Variants in CTNNA2 observed in about 807,000 individuals in gnomAD.
CTNNA2 encodes the protein catenin alpha 2, also known as catenin alpha-2.
A neutral mutation model predicts 101.0 loss-of-function variants in CTNNA2; 42 were observed. That is an observed-to-expected ratio of 0.42 (90% CI 0.32 to 0.54). The LOEUF is 0.54. Among genes scored for constraint, CTNNA2 ranks in the 20% least tolerant of loss-of-function variants. The probability of loss-of-function intolerance (pLI) is 0.14; values close to 1 mark genes in which losing one functional copy is unlikely to be tolerated. For missense variants in CTNNA2, 871 were observed against 1,223.1 expected (o/e 0.71, Z 4.29); for synonymous variants, 450 against 456.4 (o/e 0.99, Z 0.18).
At chr2:79,362,531 C>T (rs1677655228) in intron 3 of CTNNA2, among the ~76,000 whole-genome samples, 1 of 152,142 alleles carries the variant, frequency 6.6e-6, no homozygotes, top group Non-Finnish European at 1.5e-5. Context: ...CATCTAGAAA[C>T]TCCATGGGAT....
At chr2:79,400,702 A>T (rs1678281181) in intron 4 of CTNNA2, among the ~76,000 whole-genome samples, 1 of 151,946 alleles carries the variant, frequency 6.6e-6, no homozygotes. Flanking sequence ...TGCCAGAATG[A>T]GGGGCAAGAG....
At chr2:79,798,560 C>CTTGTTT (rs1675900242) in intron 3 of CTNNA2, among the ~76,000 whole-genome samples, 1 of 123,794 alleles carries the variant, frequency 8.1e-6, no homozygotes, top group African/African-American at 2.9e-5. Context: ...TATAATAAGA[C>CTTGTTT]TTTTTTTTTT....
chr2:80,600,578 C>G (rs188359583), intron 15 of CTNNA2, among the ~76,000 whole-genome samples: 176 of 151,964 alleles, frequency 1.2e-3, no homozygotes, highest in South Asian at 3.1e-3. Flanking sequence ...TAATAATGAT[C>G]AATAAATGAT....
At chr2:80,051,975 A>C (rs1037681169) in intron 7 of CTNNA2, among the ~76,000 whole-genome samples, 2 of 152,186 alleles carry the variant, frequency 1.3e-5, no homozygotes, top group Non-Finnish European at 2.9e-5. Context: ...AACTGTGTTC[A>C]ACTAATTCTA....
At chr2:79,255,466 A>G (rs1365657386) in intron 2 of CTNNA2, among the ~76,000 whole-genome samples, 1 of 152,220 alleles carries the variant, frequency 6.6e-6, no homozygotes, top group Non-Finnish European at 1.5e-5. Context: ...TTTCGAATAG[A>G]GAGCAAAAGT....
intron 9 of CTNNA2, among the ~76,000 whole-genome samples, chr2:80,496,387 T>C (rs1487643633): frequency 5.6e-5 from 8 of 141,960 alleles, no homozygotes; most frequent in African/African-American, 2.2e-4. Context: ...ATTAGTCTTC[T>C]TCACTGTCTT....
chr2:79,461,293 AAATG>A (rs1300800504), intron 4 of CTNNA2, among the ~76,000 whole-genome samples: 1 of 152,256 alleles, frequency 6.6e-6, no homozygotes, highest in Non-Finnish European at 1.5e-5. Context: ...TTTGAAAAAT[AAATG>A]AATGATCAAT....
At chr2:80,608,003 A>G (rs1698164960) in intron 16 of CTNNA2, among the ~76,000 whole-genome samples, 181 bp from the exon 17 acceptor site, 1 of 151,908 alleles carries the variant, frequency 6.6e-6, no homozygotes, top group South Asian at 2.1e-4. Context: ...ATTAAAGTAG[A>G]GCCAACCATT....
At chr2:80,333,399 T>G (rs967535806) in intron 7 of CTNNA2, among the ~76,000 whole-genome samples, 1 of 152,138 alleles carries the variant, frequency 6.6e-6, no homozygotes, top group South Asian at 2.1e-4. Flanking sequence ...TGCTCTAGAG[T>G]ACTTATAGTT....
intron 7 of CTNNA2, among the ~76,000 whole-genome samples, chr2:80,168,932 C>A (rs373083628): frequency 3.1e-4 from 47 of 152,148 alleles, no homozygotes; most frequent in African/African-American, 4.8e-5. Flanking sequence ...ACAAGACTGA[C>A]CTTTGATCTT....
intron 1 of CTNNA2, among the ~76,000 whole-genome samples, chr2:79,522,241 A>C (rs537507437): frequency 1.2e-4 from 19 of 152,256 alleles, no homozygotes; most frequent in African/African-American, 4.6e-4. Flanking sequence ...ATGCTTGTTG[A>C]TTCAACTAAG....
chr2:80,339,015 G>A (rs989278938), intron 7 of CTNNA2, among the ~76,000 whole-genome samples: 3 of 152,278 alleles, frequency 2.0e-5, no homozygotes, highest in Non-Finnish European at 4.4e-5. Flanking sequence ...ACTGTACTTC[G>A]TACCAGAATG....
rs375131158 is a variant in CTNNA2, at chr2:80,521,375, A to T, written c.1291-23607A>T. 4.8e-4 allele frequency among the ~76,000 whole-genome samples: 73 copies of T among 152,264 alleles called. 1 individual carries two copies. The South Asian group carries it at 0.012, about 24-fold the overall frequency. On this transcript the variant is annotated intron_variant, in intron 9 of 18. Coordinates refer to ENST00000402739, the MANE Select transcript of CTNNA2 (RefSeq NM_001282597.3). Reference sequence around the variant, plus strand: ...CTTACATGGAACTCTATGTAGAATCATTGCTCCCTGATCCCCCCACAGTTG... The same window carrying T: ...CTTACATGGAACTCTATGTAGAATCTTTGCTCCCTGATCCCCCCACAGTTG...
intron 9 of CTNNA2, among the ~76,000 whole-genome samples, chr2:80,480,211 G>T (rs1334155199): frequency 6.6e-6 from 1 of 151,978 alleles, no homozygotes; most frequent in Non-Finnish European, 1.5e-5. Flanking sequence ...AAAATTTTAT[G>T]CATTTTCCTA....
At chr2:80,257,049 C>A (rs995885807) in intron 7 of CTNNA2, among the ~76,000 whole-genome samples, 1 of 151,990 alleles carries the variant, frequency 6.6e-6, no homozygotes, top group Admixed American at 6.6e-5. Context: ...TTAAAATCGA[C>A]GTATCATGTT....
intron 1 of CTNNA2, among the ~76,000 whole-genome samples, chr2:79,620,306 T>C (rs1678912471): frequency 6.6e-6 from 1 of 152,180 alleles, no homozygotes; most frequent in Non-Finnish European, 1.5e-5. Context: ...TCAAACACAC[T>C]GGGCTCATTG....
chr2:80,338,477 G>C (rs1160362061), intron 7 of CTNNA2, among the ~76,000 whole-genome samples: 1 of 152,152 alleles, frequency 6.6e-6, no homozygotes, highest in Non-Finnish European at 1.5e-5. Flanking sequence ...TGAGGAATGG[G>C]AGAGCAGTAC....
chr2:79,389,668 A>G (rs1224517329), intron 4 of CTNNA2, among the ~76,000 whole-genome samples: 1 of 152,202 alleles, frequency 6.6e-6, no homozygotes, highest in Non-Finnish European at 1.5e-5. Context: ...GTCTGCCATC[A>G]TAACTTACAC....
At chr2:80,410,902 T>C (rs1178759077) in intron 8 of CTNNA2, among the ~76,000 whole-genome samples, 1 of 152,198 alleles carries the variant, frequency 6.6e-6, no homozygotes, top group African/African-American at 2.4e-5. Context: ...TAAGAAGAAG[T>C]TTTGATCCTA....
Sources: gnomAD v4.1 joint callset for allele counts (sites outside exome capture counted in the v4.1 genomes callset) on GRCh38, gnomAD v4.1.1 for gene constraint, MANE v1.5 for transcripts, NCBI Gene and HGNC (gene_info 2026-07-23, HGNC 2026-07-21) for gene names.